DLGAP4: variants seen among roughly 807,000 people sequenced by gnomAD.
DLGAP4 encodes disks large-associated protein 4.
In DLGAP4, 18 loss-of-function variants were observed where a neutral mutation model predicts 86.9. The ratio of observed to expected loss-of-function variants is 0.21; its 90% confidence interval spans 0.14 to 0.31. DLGAP4 has a LOEUF of 0.31. Among genes scored for constraint, DLGAP4 ranks in the 10% least tolerant of loss-of-function variants. The pLI, the probability that DLGAP4 is intolerant of heterozygous loss-of-function variation, is 1.00. For synonymous variants in DLGAP4, 548 were observed against 574.3 expected (o/e 0.95, Z 0.65); for missense variants, 1,085 against 1,362.6 (o/e 0.80, Z 3.21).
intron 1 of DLGAP4, among the ~76,000 whole-genome samples, chr20:36,357,554 T>C (rs2030370531): frequency 6.6e-6 from 1 of 152,052 alleles, no homozygotes; most frequent in Admixed American, 6.5e-5. Context: ...CTGTCAGAGC[T>C]CGGTGTGAAC....
chr20:36,462,668 G>C, intron 7 of DLGAP4: 1 of 1,539,434 alleles, frequency 6.5e-7, no homozygotes. Context: ...GGCTCCATGG[G>C]GTTGGCGCTG....
chr20:36,519,977 G>A (rs930936292), intron 10 of DLGAP4, among the ~76,000 whole-genome samples: 7 of 150,890 alleles, frequency 4.6e-5, no homozygotes, highest in Admixed American at 4.0e-4. Flanking sequence ...TTTTCTTTTG[G>A]TAGAGAAGAG....
At chr20:36,438,304 GCAGAGGTTGCAGGGAGC>G (rs1205249865) in intron 4 of DLGAP4, among the ~76,000 whole-genome samples, 1 of 151,748 alleles carries the variant, frequency 6.6e-6, no homozygotes, top group Non-Finnish European at 1.5e-5. Context: ...AACCCAGGAG[GCAGAGGTTGCAGGGAGC>G]TGAGATCGTG....
intron 7 of DLGAP4, chr20:36,462,273 G>A: frequency 3.1e-6 from 4 of 1,285,922 alleles, no homozygotes; most frequent in South Asian, 2.0e-5. Flanking sequence ...GTCCCCTGTC[G>A]CTGTCTCTCC....
At chr20:36,341,806 C>T (rs1555892528) in intron 1 of DLGAP4, among the ~76,000 whole-genome samples, 1 of 152,240 alleles carries the variant, frequency 6.6e-6, no homozygotes, top group African/African-American at 2.4e-5. Flanking sequence ...AAGGGCGGGC[C>T]TGTCGTCCCA....
At chr20:36,475,423 C>A (rs1247660860) in intron 7 of DLGAP4, among the ~76,000 whole-genome samples, 1 of 151,982 alleles carries the variant, frequency 6.6e-6, no homozygotes, top group Non-Finnish European at 1.5e-5. Context: ...GTTGACCAGG[C>A]TGGTCTCGAA....
intron 10 of DLGAP4, among the ~76,000 whole-genome samples, chr20:36,509,782 G>T (rs1030704571): frequency 6.6e-6 from 1 of 151,592 alleles, no homozygotes; most frequent in African/African-American, 2.4e-5. Flanking sequence ...AAATCAATTT[G>T]TAGTTCTTTA....
rs148507364 is a variant in DLGAP4 at position 36,446,855 on chromosome 20, G to T, written c.1566G>T (p.Ser522=). Residue 522 remains serine, a synonymous_variant, in exon 7 of 13, where the codon TCG becomes TCT. Coordinates refer to ENST00000339266, the MANE Select transcript of DLGAP4 (RefSeq NM_001365621.2). Reference sequence around the variant, plus strand: ...TGCGTGCCATCCAGGCAGGCTGCTCGCAGGAGGAGGACAGTGTCTCCCTGC... The same window carrying T: ...TGCGTGCCATCCAGGCAGGCTGCTCTCAGGAGGAGGACAGTGTCTCCCTGC... The part of the protein sequence containing the change: ...SYLRAIQAGC[S]QEEDSVSLQS... The T allele has an allele frequency of 2.5e-6, 4 of 1,613,108 alleles. No individual in the cohort carries two copies. Among genetic ancestry groups the T allele is most frequent in the East Asian group, 2.2e-5 (1 of 44,882 alleles).
intron 11 of DLGAP4, among the ~76,000 whole-genome samples, chr20:36,525,252 A>AC (rs1286204292): frequency 9.9e-5 from 6 of 60,456 alleles, no homozygotes; most frequent in Admixed American, 2.0e-4. Context: ...AAAAAAAAAA[A>AC]AACAAAGAAA....
At chr20:36,436,995 C>T (rs2147554094) in intron 4 of DLGAP4, among the ~76,000 whole-genome samples, 1 of 152,290 alleles carries the variant, frequency 6.6e-6, no homozygotes, top group Non-Finnish European at 1.5e-5. Context: ...GTGAACCCCT[C>T]TTAGTTCTGC....
At chr20:36,508,902 C>T (rs544886599) in intron 10 of DLGAP4, 1 of 152,238 alleles carries the variant, frequency 6.6e-6, no homozygotes, top group Non-Finnish European at 1.5e-5. Context: ...TTTATCCTTA[C>T]ACCAAGTGTT....
intron 1 of DLGAP4, among the ~76,000 whole-genome samples, chr20:36,327,880 C>A (rs1169989007): frequency 6.7e-6 from 1 of 148,384 alleles, no homozygotes; most frequent in Non-Finnish European, 1.5e-5. Context: ...CGTGAGCCAC[C>A]GCGCCCGGCA....
chr20:36,482,852 A>C (rs2035250547), intron 7 of DLGAP4, among the ~76,000 whole-genome samples: 1 of 151,506 alleles, frequency 6.6e-6, no homozygotes, highest in African/African-American at 2.4e-5. Flanking sequence ...TTGTATTTTT[A>C]GTAGAGACAG....
At chr20:36,511,087 T>C (rs565652369) in intron 10 of DLGAP4, 1 of 152,364 alleles carries the variant, frequency 6.6e-6, no homozygotes, top group South Asian at 2.1e-4. Flanking sequence ...AACTAAAATA[T>C]TGAATCTTCT....
intron 1 of DLGAP4, among the ~76,000 whole-genome samples, chr20:36,333,085 C>T (rs540527428): frequency 7.9e-5 from 12 of 152,232 alleles, no homozygotes; most frequent in African/African-American, 2.4e-4. Context: ...ACCTCCGGCT[C>T]TTAACGACTG....
chr20:36,406,082 G>A lies in DLGAP4; in HGVS notation c.-72-25564G>A, dbSNP rs115543921. 6.4e-3 allele frequency among the ~76,000 whole-genome samples: 976 copies of A among 152,272 alleles called. 11 individuals carry two copies. The highest frequency in any genetic ancestry group is 0.022 in the African/African-American group (931 of 41,556). On this transcript the variant is annotated intron_variant, in intron 2 of 12. Coordinates refer to ENST00000339266, the MANE Select transcript of DLGAP4 (RefSeq NM_001365621.2). Reference sequence around the variant, plus strand: ...ACCCATTCAGCCCCTCTCCTTGGTGGGGAGTTGGGTGGCAATGAAAAATTC... The same window carrying A: ...ACCCATTCAGCCCCTCTCCTTGGTGAGGAGTTGGGTGGCAATGAAAAATTC...
chr20:36,527,180 A>G lies in DLGAP4; in HGVS notation c.*149A>G. On this transcript the variant is annotated 3_prime_UTR_variant, in exon 13 of 13. Transcript: ENST00000339266. ...AAATTGACGCATACAAGGGCTCACA[A>G]TTTGGCTTTTTTGGGTCCCTCCCAG... is the stretch of plus-strand genomic sequence containing the variant. 1.2e-6 allele frequency: 1 copy of G among 824,938 alleles called. No individual in the cohort carries two copies. The highest frequency in any genetic ancestry group is 1.8e-6 in the Non-Finnish European group (1 of 571,278). The allele number at this position is 824,938 out of a possible 1,614,324, so 51.1% of individuals were successfully genotyped here.
chr20:36,400,668 G>A (rs2032130358), intron 2 of DLGAP4, among the ~76,000 whole-genome samples: 1 of 152,070 alleles, frequency 6.6e-6, no homozygotes, highest in African/African-American at 2.4e-5. Flanking sequence ...TGAGGCTGGG[G>A]GTGGGGAAGA....
chr20:36,385,548 G>T (rs536484709), intron 2 of DLGAP4, among the ~76,000 whole-genome samples: 1 of 152,312 alleles, frequency 6.6e-6, no homozygotes. Context: ...AGGACTAGTA[G>T]GCATGGCTGG....
Sources: allele counts gnomAD v4.1 joint callset (sites outside exome capture counted in the v4.1 genomes callset), GRCh38; gene constraint gnomAD v4.1.1; transcripts MANE v1.5; gene names NCBI Gene and HGNC (gene_info 2026-07-23, HGNC 2026-07-21).